The following RTN4 variants were observed in gnomAD, a reference collection of about 807,000 sequenced individuals.
RTN4 encodes reticulon 4.
RTN4 carries 32 observed loss-of-function variants against 90.4 expected under a neutral mutation model. The ratio of observed to expected loss-of-function variants is 0.35; its 90% confidence interval spans 0.27 to 0.48. RTN4 has a LOEUF of 0.48. Among genes scored for constraint, RTN4 ranks in the 20% least tolerant of loss-of-function variants. RTN4 has a pLI of 0.99. For synonymous variants in RTN4, 629 were observed against 552.5 expected (o/e 1.14, Z -1.94); for missense variants, 1,706 against 1,430.2 (o/e 1.19, Z -3.11).
chr2:54,978,967 A>AT (rs1272845424), intron 5 of RTN4, among the ~76,000 whole-genome samples: 3 of 152,206 alleles, frequency 2.0e-5, no homozygotes, highest in Non-Finnish European at 4.4e-5. Flanking sequence ...GTGACAGAAT[A>AT]TAACTTTCCC....
chr2:55,089,548 A>T (rs1668900858), intron 1 of RTN4, among the ~76,000 whole-genome samples: 1 of 152,226 alleles, frequency 6.6e-6, no homozygotes, highest in South Asian at 2.1e-4. Context: ...ATTACGGAAA[A>T]ATCTGTCTCC....
At chr2:55,128,001 C>T in the RTN4 span, among the ~76,000 whole-genome samples, 2 of 151,986 alleles carry the variant, frequency 1.3e-5, no homozygotes, top group African/African-American at 4.8e-5. Context: ...CAGTCTCGAC[C>T]TCCTGGGCTT....
At chr2:54,986,195 TTTTG>T (rs1678546647) in intron 4 of RTN4, among the ~76,000 whole-genome samples, 1 of 152,202 alleles carries the variant, frequency 6.6e-6, no homozygotes, top group Admixed American at 6.5e-5. Flanking sequence ...GTGCATTTTC[TTTTG>T]TTTTTTTTCT....
Position 55,025,140 on chromosome 2 carries a change from T to C in RTN4, c.2959A>G (p.Lys987Glu), listed in dbSNP as rs764839209. ...AEKKLPSDTE[K>E]EDRSPSAIFS... is the part of the protein sequence containing the mutation. Reference sequence around the variant, plus strand: ...ATAGCAGATGGTGATCTGTCCTCTTTTTCTGTATCGGAAGGAAGTTTTTTC... The same window carrying C: ...ATAGCAGATGGTGATCTGTCCTCTTCTTCTGTATCGGAAGGAAGTTTTTTC... Residue 987 changes from lysine (K) to glutamate (E), a missense_variant, in exon 3 of 9, where the codon AAA (lysine) becomes GAA (glutamate). Transcript: ENST00000337526. 1.2e-6 allele frequency: 2 copies of C among 1,613,460 alleles called. No individual in the cohort carries two copies.
rs1680848657 is a variant in RTN4 at position 55,014,064 on chromosome 2, A to T, written c.3013+11022T>A. On this transcript the variant is annotated intron_variant, in intron 3 of 8. Transcript: ENST00000337526. ...CTATTCTGAGCTACACAAAGGTATGAAATTAACATGTTTCAATACTGAAAG... is the reference window on the plus strand; with the variant it reads ...CTATTCTGAGCTACACAAAGGTATGTAATTAACATGTTTCAATACTGAAAG... Among the ~76,000 whole-genome samples, 6 of 152,224 alleles carry T rather than the reference A, an allele frequency of 3.9e-5. No homozygotes were observed. The South Asian group carries it at 1.2e-3, about 31-fold the overall frequency.
At chr2:54,997,429 G>T (rs897781504) in intron 3 of RTN4, among the ~76,000 whole-genome samples, 9 of 152,180 alleles carry the variant, frequency 5.9e-5, no homozygotes, top group African/African-American at 2.2e-4. Context: ...TTCAGCCACT[G>T]TGAAAAACAA....
At chr2:54,992,752 C>T (rs1679109115) in intron 3 of RTN4, among the ~76,000 whole-genome samples, 2 of 152,070 alleles carry the variant, frequency 1.3e-5, no homozygotes, top group African/African-American at 4.8e-5. Flanking sequence ...TACAAAAAGA[C>T]TCACAGTATA....
intron 4 of RTN4, among the ~76,000 whole-genome samples, chr2:54,985,276 C>G (rs1462166267): frequency 6.8e-6 from 1 of 146,078 alleles, no homozygotes; most frequent in East Asian, 2.1e-4. Flanking sequence ...TTTCTTAGCT[C>G]AGCTGCCTGA....
At chr2:55,093,390 ATATT>A (rs1202560425) in intron 1 of RTN4, among the ~76,000 whole-genome samples, 1 of 113,612 alleles carries the variant, frequency 8.8e-6, no homozygotes, top group Non-Finnish European at 1.9e-5. Flanking sequence ...TATTCTATAT[ATATT>A]TAATTTATTT....
At chr2:55,000,476 G>A (rs1158030434) in intron 3 of RTN4, among the ~76,000 whole-genome samples, 3 of 152,014 alleles carry the variant, frequency 2.0e-5, no homozygotes, top group African/African-American at 7.2e-5. Context: ...CAAACAAATA[G>A]CACTAATAAA....
the RTN4 span, among the ~76,000 whole-genome samples, chr2:55,130,057 C>T: frequency 6.6e-6 from 1 of 152,098 alleles, no homozygotes; most frequent in Non-Finnish European, 1.5e-5. Context: ...TACAAAAATG[C>T]TAATTATAAA....
At position 55,026,610 on chromosome 2, in the gene RTN4, T is replaced by A. The variant is rs752114126; in HGVS notation, c.1489A>T (p.Ile497Leu). The change falls in exon 3 of 9, where the codon ATA becomes TTA. Residue 497 changes from isoleucine (I) to leucine (L), a missense_variant. Coordinates refer to ENST00000337526, the MANE Select transcript of RTN4 (RefSeq NM_020532.5). ...TSENKTDEKK[I>L]EEKKAQIVTE... ...ACTATTTGGGCCTTCTTTTCTTCTATTTTTTTTTCATCGGTCTTATTTTCT... is the reference window on the plus strand; with the variant it reads ...ACTATTTGGGCCTTCTTTTCTTCTAATTTTTTTTCATCGGTCTTATTTTCT... 1.2e-6 allele frequency: 2 copies of A among 1,606,168 alleles called. No homozygotes were observed. The highest frequency in any genetic ancestry group is 1.7e-6 in the Non-Finnish European group (2 of 1,176,432).
In RTN4 at chr2:55,068,580, GT is replaced by G. The variant is rs1430112316; in HGVS notation, c.-63+11908del. 9.0e-5 allele frequency among the ~76,000 whole-genome samples: 13 copies of G among 144,352 alleles called. 1 individual carries two copies. The highest frequency in any genetic ancestry group is 8.7e-4 in the South Asian group (4 of 4,620). 94.7% of individuals were successfully genotyped at this position (144,352 alleles called of 152,430 possible). A position where few individuals can be genotyped will look rare whatever the true frequency, so the allele number is the denominator to read the frequency against. On this transcript the variant is annotated intron_variant, in intron 2 of 3. Coordinates refer to the RTN4 transcript ENST00000427710. ...TCAAAATGACAGGTTTACTTCATAT[GT>G]TTTTGATTAAAGTTCTGCTGAATAC...
intron 4 of RTN4, among the ~76,000 whole-genome samples, chr2:54,983,896 G>C (rs1678345010): frequency 6.6e-6 from 1 of 152,176 alleles, no homozygotes; most frequent in African/African-American, 2.4e-5. Flanking sequence ...ACTTTCCTCA[G>C]TTCCTTCAGG....
At chr2:54,988,920 A>T (rs1312598890) in intron 3 of RTN4, among the ~76,000 whole-genome samples, 1 of 152,248 alleles carries the variant, frequency 6.6e-6, no homozygotes. Flanking sequence ...GTGCTCTTGA[A>T]TTCATAGGCT....
At chr2:55,125,421 A>C in the RTN4 span, among the ~76,000 whole-genome samples, 1 of 152,216 alleles carries the variant, frequency 6.6e-6, no homozygotes, top group Non-Finnish European at 1.5e-5. Flanking sequence ...TTATAAGAGG[A>C]AAACAACCCC....
intron 1 of RTN4, among the ~76,000 whole-genome samples, chr2:55,087,278 C>G (rs1345927504): frequency 6.6e-6 from 1 of 152,190 alleles, no homozygotes; most frequent in Non-Finnish European, 1.5e-5. Flanking sequence ...TTCATTTTTA[C>G]TGGAAACTGC....
At chr2:55,047,238 G>A (rs915006166) in intron 1 of RTN4, among the ~76,000 whole-genome samples, 1 of 151,568 alleles carries the variant, frequency 6.6e-6, no homozygotes, top group South Asian at 2.1e-4. Flanking sequence ...GCTGAGGCAG[G>A]AGAATCACTT....
intron 1 of RTN4, among the ~76,000 whole-genome samples, chr2:55,097,301 CAA>C (rs5831338): frequency 1.2e-4 from 13 of 108,944 alleles, no homozygotes; most frequent in Admixed American, 1.9e-4. Flanking sequence ...AATTCTGTCT[CAA>C]AAAAAAAAAA....
Sources: gnomAD v4.1 joint callset for allele counts (sites outside exome capture counted in the v4.1 genomes callset) on GRCh38, gnomAD v4.1.1 for gene constraint, MANE v1.5 for transcripts, NCBI Gene and HGNC (gene_info 2026-07-23, HGNC 2026-07-21) for gene names.